The following PCDHA2 variants were observed in gnomAD, a reference collection of about 807,000 sequenced individuals.
The protein encoded by PCDHA2 is protocadherin alpha-2.
A neutral mutation model predicts 66.0 loss-of-function variants in PCDHA2; 58 were observed. That is an observed-to-expected ratio of 0.88 (90% CI 0.71 to 1.09). The LOEUF is 1.09. Ranked by LOEUF, PCDHA2 falls within the 50% of genes least tolerant of loss-of-function variation. The pLI is 0.00. For synonymous variants in PCDHA2, 634 were observed against 554.0 expected (o/e 1.14, Z -2.03); for missense variants, 1,267 against 1,242.3 (o/e 1.02, Z -0.30).
intron 1 of PCDHA2, among the ~76,000 whole-genome samples, chr5:140,896,969 CACAA>C (rs1554187153): frequency 2.0e-5 from 3 of 152,106 alleles, no homozygotes; most frequent in African/African-American, 7.2e-5. Context: ...TTATTCTTTG[CACAA>C]ACAAACCAGT....
chr5:140,861,503 C>G, intron 1 of PCDHA2: 1 of 478,536 alleles, frequency 2.1e-6, no homozygotes, highest in African/African-American at 2.0e-5. Flanking sequence ...TGATAGACCT[C>G]GAGGAGCTGT....
intron 1 of PCDHA2, chr5:140,968,379 A>C: frequency 6.2e-7 from 1 of 1,614,034 alleles, no homozygotes; most frequent in Non-Finnish European, 8.5e-7. Context: ...AACTCCTTTG[A>C]CTATGAGAAG....
At chr5:140,876,166 G>A (rs1554168317) in intron 1 of PCDHA2, 4 of 1,613,964 alleles carry the variant, frequency 2.5e-6, no homozygotes, top group Middle Eastern at 3.3e-4. Flanking sequence ...TCAAATAACC[G>A]TCCTGGATGT....
At chr5:140,810,169 G>A (rs1161211119) in intron 1 of PCDHA2, 1 of 152,360 alleles carries the variant, frequency 6.6e-6, no homozygotes, top group East Asian at 1.9e-4. Context: ...GTTGTTATAT[G>A]TAGTTGTAGT....
intron 1 of PCDHA2, chr5:140,860,548 T>C (rs1219356676): frequency 6.6e-6 from 1 of 152,138 alleles, no homozygotes; most frequent in Non-Finnish European, 1.5e-5. Flanking sequence ...CAAACCCACC[T>C]TTGAAGAGGT....
intron 1 of PCDHA2, among the ~76,000 whole-genome samples, chr5:140,925,600 A>G (rs1489455075): frequency 6.6e-6 from 1 of 151,508 alleles, no homozygotes; most frequent in African/African-American, 2.4e-5. Context: ...TACATATGTA[A>G]CAAACCTGCA....
chr5:140,999,372 G>A (rs1029178969), intron 3 of PCDHA2, among the ~76,000 whole-genome samples: 3 of 152,188 alleles, frequency 2.0e-5, no homozygotes, highest in Non-Finnish European at 1.5e-5. Context: ...AATCCCATTA[G>A]ATGGTTATTG....
chr5:140,933,853 A>AT (rs2089460601), intron 1 of PCDHA2, among the ~76,000 whole-genome samples: 2 of 151,568 alleles, frequency 1.3e-5, no homozygotes, highest in Non-Finnish European at 3.0e-5. Context: ...TGTACCTTTA[A>AT]TTTTTTCAGA....
chr5:140,853,035 T>C (rs1292351508), intron 1 of PCDHA2: 9 of 256,094 alleles, frequency 3.5e-5, no homozygotes, highest in South Asian at 1.5e-4. Context: ...CCTGCCACCA[T>C]GCCCGCCTAA....
chr5:140,997,864 C>A (rs2097788719), intron 3 of PCDHA2, among the ~76,000 whole-genome samples: 1 of 152,100 alleles, frequency 6.6e-6, no homozygotes, highest in South Asian at 2.1e-4. Context: ...ATTTCTTATG[C>A]ATGCTTGCTA....
At position 140,852,833 on chromosome 5, in the gene PCDHA2, T is replaced by G. The variant is rs2150523071; in HGVS notation, c.2388+55481T>G. On this transcript the variant is annotated intron_variant, in intron 1 of 3. Coordinates refer to ENST00000526136, the MANE Select transcript of PCDHA2 (RefSeq NM_018905.3). ...CCCGCCCTAAGTCCTCCAGTCTCCT[T>G]AGAGCTAGTACTTACTAAGCATTTA... 7.2e-6 allele frequency: 7 copies of G among 971,734 alleles called. No individual in the cohort carries two copies. The African/African-American group carries it at 1.1e-4, about 15-fold the overall frequency. The allele number at this position is 971,734 out of a possible 1,614,324, so 60.2% of individuals were successfully genotyped here.
At chr5:140,827,000 T>C (rs2150146007) in intron 1 of PCDHA2, among the ~76,000 whole-genome samples, 9 of 152,112 alleles carry the variant, frequency 5.9e-5, no homozygotes, top group African/African-American at 2.2e-4. Flanking sequence ...ACATGGGAAA[T>C]GCTCATGTCA....
intron 1 of PCDHA2, chr5:140,803,483 G>C (rs782257079): frequency 3.1e-6 from 5 of 1,614,220 alleles, no homozygotes; most frequent in South Asian, 1.1e-5. Context: ...GCTCTGGAGA[G>C]GGGTTGCCCA....
chr5:140,869,373 C>T (rs782224697), intron 1 of PCDHA2: 5 of 1,613,984 alleles, frequency 3.1e-6, no homozygotes, highest in African/African-American at 2.7e-5. Flanking sequence ...ATTCTCGGAT[C>T]GACCGCGAGG....
intron 3 of PCDHA2, among the ~76,000 whole-genome samples, chr5:140,993,129 G>A (rs1216210971): frequency 6.6e-6 from 1 of 152,160 alleles, no homozygotes; most frequent in Non-Finnish European, 1.5e-5. Flanking sequence ...ATTTCCTTCT[G>A]TTGCAACAAG....
At chr5:140,804,951 A>G (rs921974921) in intron 1 of PCDHA2, 1 of 1,319,588 alleles carries the variant, frequency 7.6e-7, no homozygotes, top group Non-Finnish European at 1.0e-6. Context: ...TCCCTTGTCC[A>G]TGAAGTAGTA....
At chr5:140,974,731 C>T (rs2096638633) in intron 1 of PCDHA2, among the ~76,000 whole-genome samples, 1 of 152,140 alleles carries the variant, frequency 6.6e-6, no homozygotes, top group Non-Finnish European at 1.5e-5. Context: ...GAACTCCTGT[C>T]TCCACCTTGG....
intron 1 of PCDHA2, among the ~76,000 whole-genome samples, chr5:140,914,395 C>G (rs781878941): frequency 6.6e-6 from 1 of 152,082 alleles, no homozygotes; most frequent in African/African-American, 2.4e-5. Context: ...TGTAGTTACC[C>G]CTGCTCCTGT....
chr5:140,875,993 T>C lies in PCDHA2; in HGVS notation c.2388+78641T>C, dbSNP rs574636926. 5 of 1,613,988 alleles carry C rather than the reference T, an allele frequency of 3.1e-6. No homozygotes were observed. The Admixed American group carries it at 6.7e-5, about 22-fold the overall frequency. On this transcript the variant is annotated intron_variant, in intron 1 of 3. Transcript: ENST00000526136. The stretch of plus-strand genomic sequence containing the variant: ...TCTCTTTTGACCTATGCGTTAAGTC[T>C]AAATGAGAATTTTGAGCTTAAAATA...
Sources: allele counts gnomAD v4.1 joint callset (sites outside exome capture counted in the v4.1 genomes callset), GRCh38; gene constraint gnomAD v4.1.1; transcripts MANE v1.5; gene names NCBI Gene and HGNC (gene_info 2026-07-23, HGNC 2026-07-21).